Variants in LRRTM3 observed in about 807,000 individuals in gnomAD.
LRRTM3 encodes leucine rich repeat transmembrane neuronal 3, also known as leucine-rich repeat transmembrane neuronal protein 3.
LRRTM3 carries 24 observed loss-of-function variants against 44.7 expected under a neutral mutation model. The observed-to-expected ratio is 0.54, with a 90% CI of 0.39 to 0.76. The LOEUF is 0.76. Among genes scored for constraint, LRRTM3 ranks in the 30% least tolerant of loss-of-function variants. The pLI is 0.00. For missense variants in LRRTM3, 587 were observed against 702.2 expected (o/e 0.84, Z 1.85); for synonymous variants, 277 against 278.7 (o/e 0.99, Z 0.06).
At chr10:67,004,751 G>A (rs1474535172) in intron 2 of LRRTM3, among the ~76,000 whole-genome samples, 1 of 152,058 alleles carries the variant, frequency 6.6e-6, no homozygotes, top group Admixed American at 6.6e-5. Flanking sequence ...TCAATTATTT[G>A]CTATTCATTA....
Position 67,046,648 on chromosome 10 carries a change from A to C in LRRTM3, c.1537-50939A>C, listed in dbSNP as rs187668899. Reference sequence around the variant, plus strand: ...GAAAAAAAAATGTAATTTCAGCAGAAAAGATTGGAAGCATGGTACTAGGGA... The same window carrying C: ...GAAAAAAAAATGTAATTTCAGCAGACAAGATTGGAAGCATGGTACTAGGGA... On this transcript the variant is annotated intron_variant, in intron 2 of 2. Coordinates refer to ENST00000361320, the MANE Select transcript of LRRTM3 (RefSeq NM_178011.5). 3.3e-5 allele frequency among the ~76,000 whole-genome samples: 5 copies of C among 152,368 alleles called. No individual in the cohort carries two copies. In the East Asian group the frequency reaches 9.6e-4, roughly 29 times the overall value.
At chr10:67,003,932 T>C (rs1392742366) in intron 2 of LRRTM3, among the ~76,000 whole-genome samples, 1 of 152,226 alleles carries the variant, frequency 6.6e-6, no homozygotes, top group Non-Finnish European at 1.5e-5. Context: ...TGTTTTTTAT[T>C]GCATGAGTAA....
chr10:66,942,588 A>T (rs937879540), intron 2 of LRRTM3, among the ~76,000 whole-genome samples: 1 of 146,600 alleles, frequency 6.8e-6, no homozygotes, highest in Admixed American at 6.8e-5. Flanking sequence ...GTGTGTGTGT[A>T]TGTGTGTGTG....
intron 2 of LRRTM3, among the ~76,000 whole-genome samples, chr10:67,094,125 G>A (rs532066304): frequency 6.6e-6 from 1 of 151,968 alleles, no homozygotes; most frequent in East Asian, 1.9e-4. Context: ...AACAATATAT[G>A]TAATATTTTT....
intron 2 of LRRTM3, among the ~76,000 whole-genome samples, chr10:66,993,580 T>G (rs1436144651): frequency 6.6e-6 from 1 of 152,144 alleles, no homozygotes; most frequent in Non-Finnish European, 1.5e-5. Flanking sequence ...AGAATTAACT[T>G]GTCTGGTTCC....
At chr10:67,042,985 G>A (rs1384525244) in intron 2 of LRRTM3, among the ~76,000 whole-genome samples, 2 of 152,214 alleles carry the variant, frequency 1.3e-5, no homozygotes, top group South Asian at 2.1e-4. Context: ...CCATACCTGA[G>A]GAATCAGCAA....
intron 2 of LRRTM3, among the ~76,000 whole-genome samples, chr10:66,962,394 G>T (rs1849158851): frequency 6.7e-6 from 1 of 148,952 alleles, no homozygotes; most frequent in African/African-American, 2.5e-5. Flanking sequence ...GTTTTTTTTT[G>T]TTTTGTTTTT....
chr10:67,050,559 C>T (rs1855023073), intron 2 of LRRTM3, among the ~76,000 whole-genome samples: 1 of 152,152 alleles, frequency 6.6e-6, no homozygotes, highest in Admixed American at 6.5e-5. Context: ...AAACCTAAGA[C>T]CACCTTCCCT....
At chr10:66,989,042 G>T (rs138229147) in intron 2 of LRRTM3, among the ~76,000 whole-genome samples, 1 of 150,542 alleles carries the variant, frequency 6.6e-6, no homozygotes, top group South Asian at 2.1e-4. Context: ...TATCAGTCTC[G>T]TTACCTCTCA....
At chr10:67,040,113 T>A (rs1465588796) in intron 2 of LRRTM3, among the ~76,000 whole-genome samples, 1 of 152,142 alleles carries the variant, frequency 6.6e-6, no homozygotes, top group Admixed American at 6.5e-5. Flanking sequence ...GTATTTGCTA[T>A]GACAACATCA....
chr10:67,085,651 GTTTACC>G (rs1212448390), intron 2 of LRRTM3, among the ~76,000 whole-genome samples: 1 of 151,844 alleles, frequency 6.6e-6, no homozygotes, highest in African/African-American at 2.4e-5. Context: ...TAATGAGTTA[GTTTACC>G]TTTACATATT....
rs12220690 is a variant in LRRTM3 at position 66,989,149 on chromosome 10, C to T, written c.1536+60697C>T. Among the ~76,000 whole-genome samples the T allele has an allele frequency of 0.023, 3,553 of 152,112 alleles. 395 individuals carry two copies. The East Asian group carries it at 0.3, about 13-fold the overall frequency. On this transcript the variant is annotated intron_variant, in intron 2 of 2. Transcript: ENST00000361320. ...GTCTAGCAGCAAGAAATGAAGAATC[C>T]GACTTGGAGTAAAATCTTTTTGAAG...
chr10:67,082,640 C>T (rs973940905), intron 2 of LRRTM3, among the ~76,000 whole-genome samples: 1 of 152,096 alleles, frequency 6.6e-6, no homozygotes, highest in Admixed American at 6.6e-5. Flanking sequence ...AAAAAGGAAA[C>T]CGTGCAGGAA....
At chr10:66,971,109 T>G (rs1849696464) in intron 2 of LRRTM3, among the ~76,000 whole-genome samples, 1 of 152,094 alleles carries the variant, frequency 6.6e-6, no homozygotes, top group African/African-American at 2.4e-5. Context: ...TTAATTACAC[T>G]GGGCAGCAAT....
At chr10:67,090,514 A>C (rs1365648909) in intron 2 of LRRTM3, among the ~76,000 whole-genome samples, 3 of 152,116 alleles carry the variant, frequency 2.0e-5, no homozygotes, top group Non-Finnish European at 4.4e-5. Flanking sequence ...GATAAGCAAC[A>C]AAATGTAGTG....
At chr10:67,052,379 C>T (rs1209244710) in intron 2 of LRRTM3, among the ~76,000 whole-genome samples, 1 of 149,350 alleles carries the variant, frequency 6.7e-6, no homozygotes, top group Non-Finnish European at 1.5e-5. Context: ...GCGGCCAATG[C>T]CTTACTGTCT....
intron 2 of LRRTM3, among the ~76,000 whole-genome samples, chr10:67,019,312 G>C (rs867084211): frequency 1.3e-5 from 2 of 152,092 alleles, no homozygotes; most frequent in South Asian, 4.1e-4. Flanking sequence ...TCTGCCTTCC[G>C]GGTCCAAGCG....
Position 66,927,490 on chromosome 10 carries a change from C to A in LRRTM3, c.574C>A (p.Arg192=), listed in dbSNP as rs867047729. Residue 192 remains arginine (R), a synonymous_variant, in exon 2 of 3, where the codon CGG becomes AGG. Coordinates refer to ENST00000361320, the MANE Select transcript of LRRTM3 (RefSeq NM_178011.5). The surrounding 1 kb of genome is among the most constrained non-coding windows in gnomAD (Gnocchi z 4.7). ...GGAACTTTTGGACCTGGGATATAAC[C>A]GGATCCGAAGTTTAGCCAGGAATGT... ...NLELLDLGYN[R]IRSLARNVFA... The A allele has an allele frequency of 2.5e-6, 4 of 1,613,974 alleles. No individual in the cohort carries two copies. The highest frequency in any genetic ancestry group is 1.1e-5 in the South Asian group (1 of 91,086).
At chr10:67,058,410 A>T (rs1387587868) in intron 2 of LRRTM3, among the ~76,000 whole-genome samples, 2 of 152,352 alleles carry the variant, frequency 1.3e-5, no homozygotes, top group East Asian at 3.9e-4. Context: ...CACCACAGGT[A>T]CAATTTCTGG....
Sources: gnomAD v4.1 joint callset for allele counts (sites outside exome capture counted in the v4.1 genomes callset) on GRCh38, gnomAD v4.1.1 for gene constraint, Gnocchi (gnomAD v3.1) non-coding constraint, MANE v1.5 for transcripts, NCBI Gene and HGNC (gene_info 2026-07-23, HGNC 2026-07-21) for gene names.